MLLT3: variants seen among roughly 807,000 people sequenced by gnomAD.
The protein encoded by MLLT3 is MLLT3 super elongation complex subunit, also known as protein AF-9.
A neutral mutation model predicts 53.2 loss-of-function variants in MLLT3; 4 were observed. The observed-to-expected ratio is 0.08, with a 90% CI of 0.04 to 0.17. The LOEUF is 0.17. Among genes scored for constraint, MLLT3 ranks in the 10% least tolerant of loss-of-function variants. The pLI is 1.00. For synonymous variants in MLLT3, 283 were observed against 230.6 expected (o/e 1.23, Z -2.06); for missense variants, 569 against 684.0 (o/e 0.83, Z 1.87).
At chr9:20,510,251 T>C (rs1825498910) in intron 2 of MLLT3, among the ~76,000 whole-genome samples, 1 of 151,856 alleles carries the variant, frequency 6.6e-6, no homozygotes, top group African/African-American at 2.4e-5. Flanking sequence ...ATAGGAGAAA[T>C]GTGAATAAAC....
At chr9:20,573,981 T>C (rs1324417430) in intron 2 of MLLT3, among the ~76,000 whole-genome samples, 14 of 152,218 alleles carry the variant, frequency 9.2e-5, no homozygotes, top group Admixed American at 9.2e-4. Context: ...ATAGAAGAAC[T>C]GGTGACTGGT....
At chr9:20,474,901 T>C (rs1468775737) in intron 2 of MLLT3, among the ~76,000 whole-genome samples, 2 of 152,122 alleles carry the variant, frequency 1.3e-5, no homozygotes, top group East Asian at 3.8e-4. Context: ...AGTAGTGTTC[T>C]AAATATTGGA....
intron 2 of MLLT3, among the ~76,000 whole-genome samples, chr9:20,522,136 A>G (rs903892230): frequency 6.6e-6 from 1 of 152,020 alleles, no homozygotes; most frequent in Admixed American, 6.6e-5. Context: ...AAAATTATTT[A>G]AAGAAAGATT....
chr9:20,479,492 G>A (rs1201209991), intron 2 of MLLT3, among the ~76,000 whole-genome samples: 1 of 152,038 alleles, frequency 6.6e-6, no homozygotes, highest in Non-Finnish European at 1.5e-5. Context: ...TTAGGGTCCA[G>A]TTCTAAGCTG....
intron 2 of MLLT3, among the ~76,000 whole-genome samples, chr9:20,576,455 C>T (rs527325084): frequency 6.6e-6 from 1 of 152,282 alleles, no homozygotes; most frequent in African/African-American, 2.4e-5. Context: ...ATGGTCTTCT[C>T]ACTAAGCTTA....
chr9:20,589,071 C>T (rs1402327595), intron 2 of MLLT3, among the ~76,000 whole-genome samples: 3 of 150,726 alleles, frequency 2.0e-5, no homozygotes, highest in South Asian at 2.1e-4. Flanking sequence ...TTGACCCAGC[C>T]ATCCCATTAC....
Position 20,389,730 on chromosome 9 carries a change from C to T in MLLT3, c.1126-23986G>A, listed in dbSNP as rs80280522. Among the ~76,000 whole-genome samples the T allele has an allele frequency of 4.0e-3, 611 of 152,082 alleles. 8 individuals carry two copies. The South Asian group carries it at 0.055, about 14-fold the overall frequency. ...AAGAGTTCAAGGTTACAGTGTGCTA[C>T]GACCACACCGCTGACTCCAGCCTGG... On this transcript the variant is annotated intron_variant, in intron 5 of 10. Transcript: ENST00000380338.
chr9:20,619,696 A>T (rs1443196546), intron 2 of MLLT3, among the ~76,000 whole-genome samples: 1 of 152,230 alleles, frequency 6.6e-6, no homozygotes, highest in Non-Finnish European at 1.5e-5. Flanking sequence ...TTAGTTTTCC[A>T]GAGGTTGAAG....
At position 20,573,535 on chromosome 9, in the gene MLLT3, AAATG is replaced by A. The variant is rs373546667; in HGVS notation, c.193+47115_193+47118del. On this transcript the variant is annotated intron_variant, in intron 2 of 10. Transcript: ENST00000380338. ...TAATACAAATAAAAAACTAAAATGG[AAATG>A]AATGAAGACCAGAAAAGTTAAAGAA... Among the ~76,000 whole-genome samples the A allele has an allele frequency of 5.8e-3, 882 of 152,342 alleles. 6 individuals are homozygous for A. The highest frequency in any genetic ancestry group is 0.02 in the African/African-American group (837 of 41,598).
rs1405236588 is a variant in MLLT3, at chr9:20,346,155, ATTTG to A, written c.*284_*287del. 3.0e-6 allele frequency: 1 copy of A among 337,664 alleles called. No homozygotes were observed. The highest frequency in any genetic ancestry group is 2.1e-5 in the African/African-American group (1 of 47,494). The allele number at this position is 337,664 out of a possible 1,614,324, so 20.9% of individuals were successfully genotyped here. A position where few individuals can be genotyped will look rare whatever the true frequency, so the allele number is the denominator to read the frequency against. On this transcript the variant is annotated 3_prime_UTR_variant, in exon 11 of 11. Coordinates refer to ENST00000380338, the MANE Select transcript of MLLT3 (RefSeq NM_004529.4). Reference sequence around the variant, plus strand: ...TTTGAGTTTTCTTGTGTTGTGTTTGATTTGTTTGTTTTCAAGGCTATCCAGGCTA... The same window carrying A: ...TTTGAGTTTTCTTGTGTTGTGTTTGATTTGTTTTCAAGGCTATCCAGGCTA...
chr9:20,536,950 C>A (rs991002011), intron 2 of MLLT3, among the ~76,000 whole-genome samples: 4 of 151,924 alleles, frequency 2.6e-5, no homozygotes, highest in Admixed American at 2.6e-4. Flanking sequence ...ATGATGGCAG[C>A]CTGAATGAAG....
intron 4 of MLLT3, among the ~76,000 whole-genome samples, chr9:20,438,249 T>C (rs1823454645): frequency 1.3e-5 from 2 of 152,220 alleles, no homozygotes; most frequent in African/African-American, 4.8e-5. Flanking sequence ...AATCACCTTT[T>C]TTATGAACCT....
intron 8 of MLLT3, among the ~76,000 whole-genome samples, chr9:20,356,646 C>T (rs547885707): frequency 8.5e-5 from 13 of 152,180 alleles, no homozygotes; most frequent in Non-Finnish European, 1.9e-4. Flanking sequence ...CTGCCTCCCA[C>T]GATCCCCTCC....
At chr9:20,583,090 T>C (rs1217393968) in intron 2 of MLLT3, among the ~76,000 whole-genome samples, 3 of 152,114 alleles carry the variant, frequency 2.0e-5, no homozygotes, top group Admixed American at 1.3e-4. Flanking sequence ...ACTTCCTAGA[T>C]ACAATGGGAG....
Position 20,620,923 on chromosome 9 carries a change from T to A in MLLT3, c.13-89A>T. 6 of 1,409,064 alleles carry A rather than the reference T, an allele frequency of 4.3e-6. No homozygotes were observed. The highest frequency in any genetic ancestry group is 6.0e-6 in the Non-Finnish European group (6 of 1,005,514). The allele number at this position is 1,409,064 out of a possible 1,614,324, so 87.3% of individuals were successfully genotyped here. On this transcript the variant is annotated intron_variant, in intron 1 of 10. Coordinates refer to ENST00000380338, the MANE Select transcript of MLLT3 (RefSeq NM_004529.4). This position sits in a 1 kb window ranked among gnomAD's most constrained non-coding sequence, Gnocchi z 6.1. ...TTGCGCCTGACATTTTTTTCCTCCT[T>A]CTTGAAACGCACATAAAAGGAAACG...
chr9:20,592,574 C>G (rs57562297), intron 2 of MLLT3, among the ~76,000 whole-genome samples: 87 of 152,314 alleles, frequency 5.7e-4, no homozygotes, highest in African/African-American at 2.0e-3. Flanking sequence ...AGGATTCTAC[C>G]TCCAAATAGT....
Position 20,414,438 on chromosome 9 carries a change from G to A in MLLT3, c.421-13C>T. 6.2e-7 allele frequency: 1 copy of A among 1,603,720 alleles called. No homozygotes were observed. The highest frequency in any genetic ancestry group is 8.5e-7 in the Non-Finnish European group (1 of 1,179,500). The stretch of plus-strand genomic sequence containing the variant: ...TCCTATTAGGGTCCTGCAAAAAGGG[G>A]AGAAGAAAATGAAACTCCCAAAACT... On this transcript the variant is annotated splice_polypyrimidine_tract_variant and intron_variant, in intron 4 of 10. Coordinates refer to ENST00000380338, the MANE Select transcript of MLLT3 (RefSeq NM_004529.4).
At chr9:20,417,694 G>T (rs145307438) in intron 4 of MLLT3, among the ~76,000 whole-genome samples, 1 of 151,994 alleles carries the variant, frequency 6.6e-6, no homozygotes, top group African/African-American at 2.4e-5. Context: ...GTGACTATAG[G>T]ATACAATATT....
intron 2 of MLLT3, among the ~76,000 whole-genome samples, chr9:20,553,359 C>T (rs1433231885): frequency 6.6e-6 from 1 of 152,112 alleles, no homozygotes; most frequent in Admixed American, 6.5e-5. Flanking sequence ...TTGAGTCGGC[C>T]TCACATTTAT....
Sources: gnomAD v4.1 joint callset for allele counts (sites outside exome capture counted in the v4.1 genomes callset) on GRCh38, gnomAD v4.1.1 for gene constraint, Gnocchi (gnomAD v3.1) non-coding constraint, MANE v1.5 for transcripts, NCBI Gene and HGNC (gene_info 2026-07-23, HGNC 2026-07-21) for gene names.